MINDY4: variants seen among roughly 807,000 people sequenced by gnomAD.
MINDY4 encodes MINDY lysine 48 deubiquitinase 4.
Under a neutral mutation model 87.0 loss-of-function variants are expected in MINDY4, and 68 were observed. The ratio of observed to expected loss-of-function variants is 0.78; its 90% confidence interval spans 0.64 to 0.96. MINDY4 has a LOEUF of 0.96. MINDY4 is among the 40% of genes least tolerant of loss of function. The probability of loss-of-function intolerance (pLI) is 0.00; values close to 1 mark genes in which losing one functional copy is unlikely to be tolerated. For synonymous variants in MINDY4, 379 were observed against 363.2 expected (o/e 1.04, Z -0.50); for missense variants, 919 against 928.2 (o/e 0.99, Z 0.13).
intron 3 of MINDY4, among the ~76,000 whole-genome samples, chr7:30,783,631 G>C (rs1398050023): frequency 6.6e-6 from 1 of 152,152 alleles, no homozygotes; most frequent in African/African-American, 2.4e-5. Context: ...AATCTTTGGG[G>C]GGGTCACTAT....
At position 30,785,875 on chromosome 7, in the gene MINDY4, A is replaced by C. The variant is rs373216241; in HGVS notation, c.546A>C (p.Ile182=). ...TPVLTSAWEK[I]DKLHSEPSLD... is the part of the protein sequence containing the mutation. The stretch of plus-strand genomic sequence containing the variant: ...TGTTGACTTCTGCATGGGAGAAGAT[A>C]GACAAGCTTCACTCGGAGCCTTCCT... The change falls in exon 4 of 18, where the codon ATA becomes ATC. Residue 182 remains isoleucine, a synonymous_variant. Coordinates refer to ENST00000265299, the MANE Select transcript of MINDY4 (RefSeq NM_032222.3). The C allele has an allele frequency of 1.9e-6, 3 of 1,614,254 alleles. No individual in the cohort carries two copies. Among genetic ancestry groups the C allele is most frequent in the Non-Finnish European group, 2.5e-6 (3 of 1,180,050 alleles).
chr7:30,863,783 G>C lies in MINDY4; in HGVS notation c.1745+4459G>C, dbSNP rs190851578. ...CCAGGCTGTGCAAAGCCTTGTGAAG[G>C]TTTTTTTTCCACTTGATTTCAAGCC... On this transcript the variant is annotated intron_variant, in intron 13 of 17. Coordinates refer to ENST00000265299, the MANE Select transcript of MINDY4 (RefSeq NM_032222.3). 8.1e-4 allele frequency among the ~76,000 whole-genome samples: 123 copies of C among 152,154 alleles called. 1 individual carries two copies. The highest frequency in any genetic ancestry group is 2.8e-3 in the African/African-American group (117 of 41,488).
intron 13 of MINDY4, among the ~76,000 whole-genome samples, chr7:30,862,930 G>GAAGCAGATGCAGCGGAATGACTTTGA (rs1789811850): frequency 6.6e-6 from 1 of 152,216 alleles, no homozygotes; most frequent in East Asian, 1.9e-4. Context: ...CTCACTGTGT[G>GAAGCAGATGCAGCGGAATGACTTTGA]AAGCAGATGC....
intron 6 of MINDY4, among the ~76,000 whole-genome samples, chr7:30,830,132 A>G (rs1011301167): frequency 1.3e-5 from 2 of 152,176 alleles, no homozygotes; most frequent in Non-Finnish European, 2.9e-5. Context: ...TAGAGGAACA[A>G]CACTCCTCCT....
intron 3 of MINDY4, among the ~76,000 whole-genome samples, chr7:30,784,474 A>T (rs1302755760): frequency 6.6e-6 from 1 of 151,986 alleles, no homozygotes; most frequent in Non-Finnish European, 1.5e-5. Flanking sequence ...GGCTCTAGTG[A>T]TCTTCCCCTC....
chr7:30,773,491 T>A (rs1786709016), intron 1 of MINDY4, among the ~76,000 whole-genome samples: 1 of 152,166 alleles, frequency 6.6e-6, no homozygotes, highest in African/African-American at 2.4e-5. Flanking sequence ...CTTCCATGAC[T>A]GCTTGCTCCG....
intron 5 of MINDY4, among the ~76,000 whole-genome samples, chr7:30,798,482 C>T (rs929085099): frequency 6.6e-6 from 1 of 151,946 alleles, no homozygotes; most frequent in African/African-American, 2.4e-5. Flanking sequence ...ATTTATACCT[C>T]TGGTCTGCAT....
intron 5 of MINDY4, among the ~76,000 whole-genome samples, chr7:30,822,536 G>A (rs1216280098): frequency 1.3e-5 from 2 of 152,034 alleles, no homozygotes; most frequent in Non-Finnish European, 2.9e-5. Flanking sequence ...TCTTTCTCAA[G>A]TGTTCCCCAG....
intron 12 of MINDY4, chr7:30,857,890 A>G (rs1454888451): frequency 6.6e-6 from 1 of 152,310 alleles, no homozygotes; most frequent in African/African-American, 2.4e-5. Flanking sequence ...GAGGAAAAGA[A>G]AAGGTAATTT....
chr7:30,880,126 A>G (rs946582091), intron 15 of MINDY4, among the ~76,000 whole-genome samples: 1 of 152,160 alleles, frequency 6.6e-6, no homozygotes, highest in Non-Finnish European at 1.5e-5. Flanking sequence ...CCATAACTCT[A>G]CGCAAGTAAA....
At chr7:30,852,005 T>C (rs1251789897) in intron 10 of MINDY4, among the ~76,000 whole-genome samples, 1 of 152,180 alleles carries the variant, frequency 6.6e-6, no homozygotes, top group Non-Finnish European at 1.5e-5. Flanking sequence ...ATTTCTTTTT[T>C]TTTTCTTTTA....
intron 9 of MINDY4, among the ~76,000 whole-genome samples, chr7:30,841,421 A>G (rs1449152349): frequency 6.6e-6 from 1 of 152,256 alleles, no homozygotes; most frequent in Non-Finnish European, 1.5e-5. Flanking sequence ...TGTCCTCTCC[A>G]GAAATGCTCC....
intron 5 of MINDY4, among the ~76,000 whole-genome samples, chr7:30,824,851 C>T (rs971411873): frequency 1.3e-5 from 2 of 152,242 alleles, no homozygotes; most frequent in Non-Finnish European, 2.9e-5. Flanking sequence ...TGAGCCACCA[C>T]ACCTTGCTTC....
intron 1 of MINDY4, among the ~76,000 whole-genome samples, 175 bp downstream of exon 1, chr7:30,771,731 C>T (rs966325313): frequency 9.8e-5 from 15 of 152,366 alleles, no homozygotes; most frequent in Non-Finnish European, 1.8e-4. Context: ...CTACATTTCC[C>T]ACGAGGCGTT....
chr7:30,876,453 T>C (rs1790261718), intron 15 of MINDY4, among the ~76,000 whole-genome samples: 1 of 152,104 alleles, frequency 6.6e-6, no homozygotes, highest in African/African-American at 2.4e-5. Context: ...GTTCAACCCA[T>C]AGTAGGCCTC....
chr7:30,839,521 TTGGAGATGTTAAAATTGAACA>T (rs1788969296), intron 8 of MINDY4, among the ~76,000 whole-genome samples: 1 of 152,160 alleles, frequency 6.6e-6, no homozygotes, highest in African/African-American at 2.4e-5. Context: ...ACCCTCTGCT[TTGGAGATGTTAAAATTGAACA>T]TGGATTTAAG....
intron 5 of MINDY4, among the ~76,000 whole-genome samples, chr7:30,807,993 C>T (rs1787864970): frequency 6.6e-6 from 1 of 152,220 alleles, no homozygotes; most frequent in Non-Finnish European, 1.5e-5. Flanking sequence ...TGTCCTGCTA[C>T]ATTTCTTGGT....
At chr7:30,802,258 G>C (rs1347733709) in intron 5 of MINDY4, among the ~76,000 whole-genome samples, 1 of 151,506 alleles carries the variant, frequency 6.6e-6, no homozygotes, top group Non-Finnish European at 1.5e-5. Flanking sequence ...AAGCATCTAG[G>C]ATGCAAAATG....
intron 5 of MINDY4, among the ~76,000 whole-genome samples, chr7:30,825,519 G>C (rs746915000): frequency 6.6e-6 from 1 of 152,214 alleles, no homozygotes; most frequent in Non-Finnish European, 1.5e-5. Context: ...CTTGTCCTGC[G>C]GTCTGCAGGA....
Sources: allele counts gnomAD v4.1 joint callset (sites outside exome capture counted in the v4.1 genomes callset), GRCh38; gene constraint gnomAD v4.1.1; transcripts MANE v1.5; gene names NCBI Gene and HGNC (gene_info 2026-07-23, HGNC 2026-07-21).